The following TRPC5 variants were observed in gnomAD, a reference collection of about 807,000 sequenced individuals.
TRPC5 encodes the protein short transient receptor potential channel 5.
In TRPC5, 9 loss-of-function variants were observed where a neutral mutation model predicts 56.5. That is an observed-to-expected ratio of 0.16 (90% confidence interval 0.10 to 0.28). The LOEUF (loss-of-function observed/expected upper bound fraction) is 0.28, where lower values mean the gene tolerates loss of function less well. TRPC5 is among the 10% of genes least tolerant of loss of function. The pLI is 1.00. For missense variants in TRPC5, 469 were observed against 748.9 expected (o/e 0.63, Z 4.36); for synonymous variants, 282 against 278.5 (o/e 1.01, Z -0.13).
At chrX:111,871,909 C>T in intron 3 of TRPC5, among the ~76,000 whole-genome samples, 1 of 111,776 alleles carries the variant, frequency 8.9e-6, no homozygotes, top group Middle Eastern at 4.6e-3. Flanking sequence ...GCTGTTCTTG[C>T]AGGAGTGAGT....
chrX:111,804,027 A>G (rs1367304282), intron 7 of TRPC5, among the ~76,000 whole-genome samples: 1 of 112,102 alleles, frequency 8.9e-6, no homozygotes, highest in Non-Finnish European at 1.9e-5. Context: ...TAATGTTTGT[A>G]TAAGGTGTAA....
chrX:111,954,720 A>T (rs780135195), intron 1 of TRPC5, among the ~76,000 whole-genome samples: 15 of 111,303 alleles, frequency 1.3e-4, no homozygotes, highest in Non-Finnish European at 1.9e-4. Flanking sequence ...TGGTGGTGTT[A>T]CTGGTATAGG....
chrX:111,966,614 C>T (rs1338138483), intron 1 of TRPC5, among the ~76,000 whole-genome samples: 1 of 111,712 alleles, frequency 9.0e-6, no homozygotes, highest in Non-Finnish European at 1.9e-5. Context: ...AGCAGCACAT[C>T]AAAAAGCTTA....
chrX:112,048,363 T>C (rs1001852773), intron 1 of TRPC5, among the ~76,000 whole-genome samples: 4 of 85,760 alleles, frequency 4.7e-5, no homozygotes, highest in Non-Finnish European at 6.2e-5. Flanking sequence ...ATCGCGCCAG[T>C]GCACTTCAGC....
At chrX:111,924,578 C>T (rs1926208550) in intron 2 of TRPC5, among the ~76,000 whole-genome samples, 1 of 111,803 alleles carries the variant, frequency 8.9e-6, no homozygotes, top group Admixed American at 9.4e-5. Context: ...TCATTCCATG[C>T]TCCGTATACC....
intron 2 of TRPC5, among the ~76,000 whole-genome samples, chrX:111,930,450 A>G (rs1168297450): frequency 1.8e-5 from 2 of 110,308 alleles, no homozygotes; most frequent in Non-Finnish European, 3.8e-5. Context: ...TAATTAGAAA[A>G]ATTAGCTGGG....
intron 1 of TRPC5, among the ~76,000 whole-genome samples, chrX:112,050,441 T>C (rs1337260546): frequency 2.7e-5 from 3 of 112,206 alleles, no homozygotes. Flanking sequence ...GCCAAACATA[T>C]AGGTTTGTGT....
intron 1 of TRPC5, among the ~76,000 whole-genome samples, chrX:111,966,975 C>G (rs1205744085): frequency 1.8e-5 from 2 of 111,322 alleles, no homozygotes; most frequent in Admixed American, 9.6e-5. Flanking sequence ...GAAGTTCTGG[C>G]TAGGGCAATT....
rs776913821 is a variant in TRPC5 at position 112,070,455 on chromosome X, G to A, written c.-22+11424C>T. ...AGTTCCATAGCCAGTGTTCCATCAAGTTCCCCTATCCATGCCCCATAACAG... is the reference window on the plus strand; with the variant it reads ...AGTTCCATAGCCAGTGTTCCATCAAATTCCCCTATCCATGCCCCATAACAG... On this transcript the variant is annotated intron_variant, in intron 1 of 10. Coordinates refer to ENST00000262839, the MANE Select transcript of TRPC5 (RefSeq NM_012471.3). Among the ~76,000 whole-genome samples the A allele has an allele frequency of 6.3e-5, 7 of 111,152 alleles. No individual in the cohort carries two copies. In the East Asian group the frequency reaches 2.0e-3, roughly 32 times the overall value.
chrX:111,922,277 A>G (rs141487533), intron 2 of TRPC5, among the ~76,000 whole-genome samples: 2,847 of 111,835 alleles, frequency 0.025, 100 homozygotes, highest in African/African-American at 0.088. Context: ...CCTCATTCAT[A>G]CACACAATGT....
At position 111,888,891 on chromosome X, in the gene TRPC5, C is replaced by T. The variant is rs144424459; in HGVS notation, c.900+23400G>A. Among the ~76,000 whole-genome samples the T allele has an allele frequency of 8.0e-4, 88 of 110,334 alleles. 1 individual carries two copies. The East Asian group carries it at 0.01, about 13-fold the overall frequency. On this transcript the variant is annotated intron_variant, in intron 3 of 10. Coordinates refer to ENST00000262839, the MANE Select transcript of TRPC5 (RefSeq NM_012471.3). ...TGGCAGAGCCAACAGGATATCCTGGCGGATTGACTGTGGATTTTTTGGCCT... is the reference window on the plus strand; with the variant it reads ...TGGCAGAGCCAACAGGATATCCTGGTGGATTGACTGTGGATTTTTTGGCCT...
At chrX:111,800,233 GATA>G (rs955102718) in intron 7 of TRPC5, among the ~76,000 whole-genome samples, 2 of 111,425 alleles carry the variant, frequency 1.8e-5, no homozygotes, top group Non-Finnish European at 3.8e-5. Context: ...TCAACGTGAA[GATA>G]ATAAGGATGA....
chrX:111,960,779 T>A (rs1468967369), intron 1 of TRPC5, among the ~76,000 whole-genome samples: 1 of 110,984 alleles, frequency 9.0e-6, no homozygotes, highest in Non-Finnish European at 1.9e-5. Context: ...AAGGGACTAC[T>A]TTACAAAATT....
rs1031626452 is a variant in TRPC5, at chrX:112,082,341, A to G, written c.-484T>C. The G allele has an allele frequency of 9.1e-6, 1 of 110,470 alleles. No homozygotes were observed. The highest frequency in any genetic ancestry group is 9.7e-5 in the Admixed American group (1 of 10,346). The allele number at this position is 110,470 out of a possible 1,213,427, so 9.1% of individuals were successfully genotyped here. A position where few individuals can be genotyped will look rare whatever the true frequency, so the allele number is the denominator to read the frequency against. ...AACTGACAGGGGTAGCTGACACTGT[A>G]GTGTGAAGGAGAGGGAGAAGGAGGG... On this transcript the variant is annotated 5_prime_UTR_variant, in exon 1 of 11. Transcript: ENST00000262839.
At chrX:111,973,535 A>G (rs767262958) in intron 1 of TRPC5, among the ~76,000 whole-genome samples, 1 of 111,520 alleles carries the variant, frequency 9.0e-6, no homozygotes, top group East Asian at 2.8e-4. Context: ...GGGAGCATGC[A>G]CACATATCCC....
chrX:111,826,815 C>G (rs951086991), intron 7 of TRPC5, among the ~76,000 whole-genome samples: 12 of 111,815 alleles, frequency 1.1e-4, no homozygotes, highest in African/African-American at 3.9e-4. Context: ...TGATTCTTAT[C>G]CTGGAAGAAA....
rs751004135 is a variant in TRPC5, at chrX:111,775,558, TGTA to T, written c.*752_*754del. On this transcript the variant is annotated 3_prime_UTR_variant, in exon 11 of 11. Transcript: ENST00000262839. ...ATTTTGATACTATCAAATTTTCAAATGTAGTAAGTTAACTGAAACACACAAACA... is the reference window on the plus strand; with the variant it reads ...ATTTTGATACTATCAAATTTTCAAATGTAAGTTAACTGAAACACACAAACA... 5.4e-5 allele frequency: 6 copies of T among 111,588 alleles called. No individual in the cohort carries two copies. The highest frequency in any genetic ancestry group is 2.9e-4 in the Admixed American group (3 of 10,480). 9.2% of individuals were successfully genotyped at this position (111,588 alleles called of 1,213,427 possible). A position where few individuals can be genotyped will look rare whatever the true frequency, so the allele number is the denominator to read the frequency against.
At chrX:111,859,486 G>A (rs962762890) in intron 3 of TRPC5, among the ~76,000 whole-genome samples, 1 of 111,965 alleles carries the variant, frequency 8.9e-6, no homozygotes, top group Non-Finnish European at 1.9e-5. Flanking sequence ...CTTTTAAATC[G>A]GCTTTGATGG....
chrX:111,905,914 C>CAAAAAAAA (rs1202912083), intron 3 of TRPC5, among the ~76,000 whole-genome samples: 25 of 37,001 alleles, frequency 6.8e-4, no homozygotes, highest in African/African-American at 2.8e-3. Context: ...GTCTCTGTCT[C>CAAAAAAAA]AAAAAAAAAA....
Sources: gnomAD v4.1 joint callset for allele counts (sites outside exome capture counted in the v4.1 genomes callset) on GRCh38, gnomAD v4.1.1 for gene constraint, MANE v1.5 for transcripts, NCBI Gene and HGNC (gene_info 2026-07-23, HGNC 2026-07-21) for gene names.